CIMIP2A: variants seen among roughly 807,000 people sequenced by gnomAD.
CIMIP2A encodes family with sequence similarity 166 member A.
At chr9:137,252,978 GGA>G in the CIMIP2A span, 1 of 1,586,748 alleles carries the variant, frequency 6.3e-7, no homozygotes, top group Middle Eastern at 1.7e-4. Context: ...AAGGAGGCCT[GGA>G]GAGAAGAGGG....
the CIMIP2A span, chr9:137,251,052 GC>G: frequency 5.6e-6 from 3 of 537,590 alleles, no homozygotes; most frequent in Admixed American, 3.2e-5. Context: ...TGGAAAGGTT[GC>G]GGGGAGGGAG....
At chr9:137,253,594 C>G in the CIMIP2A span, 1 of 1,045,716 alleles carries the variant, frequency 9.6e-7, no homozygotes, top group Admixed American at 3.5e-5. Context: ...TCAGCTGCCC[C>G]TGAAAGGTGC....
At chr9:137,249,022 T>A in the CIMIP2A span, among the ~76,000 whole-genome samples, 2 of 151,708 alleles carry the variant, frequency 1.3e-5, no homozygotes, top group Admixed American at 6.6e-5. Flanking sequence ...AATATGGTTT[T>A]TTTTTTTGTA....
At chr9:137,253,018 T>C in the CIMIP2A span, 1 of 1,486,960 alleles carries the variant, frequency 6.7e-7, no homozygotes, top group South Asian at 1.3e-5. Context: ...GTGGGCAATG[T>C]GAGGACAAGG....
chr9:137,253,906 A>G, the CIMIP2A span, among the ~76,000 whole-genome samples: 1 of 152,170 alleles, frequency 6.6e-6, no homozygotes, highest in Non-Finnish European at 1.5e-5. Flanking sequence ...GGCTGGGCTT[A>G]GTCACCTGTG....
the CIMIP2A span, chr9:137,252,543 AAGGGGGCGGGG>A: frequency 7.8e-7 from 1 of 1,274,662 alleles, no homozygotes. Context: ...GCTGGGCAGG[AAGGGGGCGGGG>A]AGTCCACGCA....
the CIMIP2A span, chr9:137,250,979 A>C: frequency 0.7 from 272,240 of 390,080 alleles, 96,784 homozygotes; most frequent in Admixed American, 0.78. Context: ...CAGTCCTCCC[A>C]GACCTGCTAG....
chr9:137,245,590 A>G, the CIMIP2A span: 5 of 1,613,512 alleles, frequency 3.1e-6, no homozygotes, highest in African/African-American at 4.0e-5. Flanking sequence ...GAGTGCCGGG[A>G]CAGGCAGGCG....
At chr9:137,244,135 G>T in the CIMIP2A span, 1 of 1,593,890 alleles carries the variant, frequency 6.3e-7, no homozygotes, top group Non-Finnish European at 8.6e-7. Flanking sequence ...CACATTGGCC[G>T]GGGTGTGTCC....
chr9:137,251,211 C>A, the CIMIP2A span: 1 of 1,051,560 alleles, frequency 9.5e-7, no homozygotes, highest in Non-Finnish European at 1.5e-6. Context: ...CCTCAGGAGT[C>A]CCAGCAACAG....
At chr9:137,254,910 C>G in the CIMIP2A span, among the ~76,000 whole-genome samples, 348 of 152,236 alleles carry the variant, frequency 2.3e-3, 2 homozygotes, top group African/African-American at 7.9e-3. Flanking sequence ...GGGCTTCGTG[C>G]CCGTTTCACG....
At chr9:137,245,572 C>T in the CIMIP2A span, 1 of 1,613,694 alleles carries the variant, frequency 6.2e-7, no homozygotes, top group Middle Eastern at 1.7e-4. Flanking sequence ...ACCAACAGGG[C>T]AGCCTGTGAG....
chr9:137,246,860 T>C, the CIMIP2A span, among the ~76,000 whole-genome samples: 1 of 152,214 alleles, frequency 6.6e-6, no homozygotes, highest in African/African-American at 2.4e-5. Flanking sequence ...CTTCCCAGCC[T>C]TTCCCCTTTG....
At chr9:137,252,341 C>T in the CIMIP2A span, 7 of 1,400,622 alleles carry the variant, frequency 5.0e-6, no homozygotes, top group Non-Finnish European at 6.9e-6. Flanking sequence ...GACAAGGGTT[C>T]AGGGGCCGAG....
chr9:137,243,744 T>C, the CIMIP2A span: 2 of 1,614,108 alleles, frequency 1.2e-6, no homozygotes, highest in Admixed American at 1.7e-5. Flanking sequence ...CAGTAGGCCC[T>C]CCGGGTGCTG....
chr9:137,247,420 G>A, the CIMIP2A span, among the ~76,000 whole-genome samples: 3 of 152,258 alleles, frequency 2.0e-5, no homozygotes, highest in Admixed American at 6.5e-5. Flanking sequence ...ACCAGGTATC[G>A]AGTTCGCAGC....
chr9:137,254,554 G>A, the CIMIP2A span, among the ~76,000 whole-genome samples: 12 of 152,256 alleles, frequency 7.9e-5, no homozygotes, highest in South Asian at 2.1e-4. Context: ...CTTCAAGGAA[G>A]AGCAAGAGTT....
At chr9:137,251,851 C>T in the CIMIP2A span, 51 of 1,607,938 alleles carry the variant, frequency 3.2e-5, no homozygotes, top group Admixed American at 8.5e-5. Flanking sequence ...ACGGGCACCC[C>T]CCAGGAGTCC....
chr9:137,253,438 A>G, the CIMIP2A span: 9 of 1,440,778 alleles, frequency 6.2e-6, no homozygotes, highest in Non-Finnish European at 8.2e-6. Context: ...TGGATCCCCC[A>G]TCTGCCCATC....
Sources: gnomAD v4.1 joint callset for allele counts (sites outside exome capture counted in the v4.1 genomes callset) on GRCh38, gnomAD v4.1.1 for gene constraint, MANE v1.5 for transcripts, NCBI Gene and HGNC (gene_info 2026-07-23, HGNC 2026-07-21) for gene names.